Variants in CAMK4 observed in about 807,000 individuals in gnomAD.
CAMK4 encodes the protein calcium/calmodulin dependent protein kinase IV.
A neutral mutation model predicts 44.9 loss-of-function variants in CAMK4; 22 were observed. That is an observed-to-expected ratio of 0.49 (90% CI 0.35 to 0.70). The LOEUF is 0.70. Ranked by LOEUF, CAMK4 falls within the 30% of genes least tolerant of loss-of-function variation. CAMK4 has a pLI of 0.01. For synonymous variants in CAMK4, 218 were observed against 215.4 expected (o/e 1.01, Z -0.11); for missense variants, 498 against 586.8 (o/e 0.85, Z 1.56).
Position 111,445,874 on chromosome 5 carries a change from A to G in CAMK4, c.460-812A>G, listed in dbSNP as rs541505130. 2.4e-4 allele frequency among the ~76,000 whole-genome samples: 36 copies of G among 152,138 alleles called. 1 individual carries two copies. The South Asian group carries it at 7.3e-3, about 31-fold the overall frequency. ...ATAGACTCGTTTGTAAATGCATAGA[A>G]AAAATGTTCAAACAAACTTTTTGGG... On this transcript the variant is annotated intron_variant, in intron 5 of 10. Coordinates refer to ENST00000282356, the MANE Select transcript of CAMK4 (RefSeq NM_001744.6).
At chr5:111,232,620 T>C (rs1189588635) in intron 1 of CAMK4, among the ~76,000 whole-genome samples, 3 of 152,106 alleles carry the variant, frequency 2.0e-5, no homozygotes, top group Admixed American at 6.6e-5. Context: ...GAAAACCACT[T>C]TGTAGATAAA....
chr5:111,312,823 A>G (rs1358171634), intron 1 of CAMK4, among the ~76,000 whole-genome samples: 5 of 152,144 alleles, frequency 3.3e-5, no homozygotes, highest in East Asian at 1.9e-4. Context: ...CTCATATGGT[A>G]TCTTCTCTGG....
Position 111,484,472 on chromosome 5 carries a change from T to C in CAMK4, c.*6T>C, listed in dbSNP as rs774379336. 7 of 1,489,634 alleles carry C rather than the reference T, an allele frequency of 4.7e-6. No individual in the cohort carries two copies. Among genetic ancestry groups the C allele is most frequent in the Non-Finnish European group, 5.4e-6 (6 of 1,117,490 alleles). 92.3% of individuals were successfully genotyped at this position (1,489,634 alleles called of 1,614,324 possible). A position where few individuals can be genotyped will look rare whatever the true frequency, so the allele number is the denominator to read the frequency against. On this transcript the variant is annotated 3_prime_UTR_variant, in exon 11 of 11. Coordinates refer to ENST00000282356, the MANE Select transcript of CAMK4 (RefSeq NM_001744.6). This position sits in a 1 kb window ranked among gnomAD's most constrained non-coding sequence, Gnocchi z 5.3. ...TGATCCTGCCAGAGTACTAAACAGC[T>C]TCCTTCAGATCTGGAAGCCAAACAC...
chr5:111,279,171 A>C (rs996688913), intron 1 of CAMK4, among the ~76,000 whole-genome samples: 4 of 152,208 alleles, frequency 2.6e-5, no homozygotes, highest in Admixed American at 2.6e-4. Context: ...ATTTGGTCGT[A>C]GGCTTGAACT....
chr5:111,321,277 T>C (rs1365332427), intron 1 of CAMK4, among the ~76,000 whole-genome samples: 1 of 152,084 alleles, frequency 6.6e-6, no homozygotes, highest in East Asian at 1.9e-4. Flanking sequence ...AAGGAGTTAG[T>C]GTTGCTGTAT....
intron 5 of CAMK4, among the ~76,000 whole-genome samples, chr5:111,401,737 T>C (rs1455473982): frequency 6.6e-6 from 1 of 152,166 alleles, no homozygotes; most frequent in African/African-American, 2.4e-5. Context: ...AGCTAAGTTA[T>C]TGTGTGTGGA....
At chr5:111,456,069 C>A (rs1040920826) in intron 7 of CAMK4, among the ~76,000 whole-genome samples, 1 of 152,070 alleles carries the variant, frequency 6.6e-6, no homozygotes, top group East Asian at 1.9e-4. Flanking sequence ...TGTATCAATT[C>A]CTTTTATTAT....
chr5:111,340,747 A>G (rs1247359563), intron 1 of CAMK4, among the ~76,000 whole-genome samples: 1 of 150,744 alleles, frequency 6.6e-6, no homozygotes, highest in African/African-American at 2.4e-5. Flanking sequence ...CCTCCTCTTC[A>G]GTTTTTGAAA....
intron 4 of CAMK4, among the ~76,000 whole-genome samples, chr5:111,391,532 A>G (rs1751799561): frequency 6.6e-6 from 1 of 152,112 alleles, no homozygotes; most frequent in Admixed American, 6.6e-5. Flanking sequence ...ATAAAAAAAA[A>G]ACATGAAAAT....
chr5:111,230,507 A>G (rs1748417092), intron 1 of CAMK4, among the ~76,000 whole-genome samples: 2 of 152,106 alleles, frequency 1.3e-5, no homozygotes, highest in African/African-American at 2.4e-5. Context: ...TTAAGAGCAC[A>G]CTACTTTTCC....
At chr5:111,320,137 C>T (rs1748598650) in intron 1 of CAMK4, among the ~76,000 whole-genome samples, 2 of 152,124 alleles carry the variant, frequency 1.3e-5, no homozygotes, top group Admixed American at 6.6e-5. Context: ...GAAGCATGCT[C>T]AACTCAGTGA....
intron 1 of CAMK4, among the ~76,000 whole-genome samples, chr5:111,301,208 C>T (rs545096528): frequency 6.6e-6 from 1 of 151,920 alleles, no homozygotes; most frequent in Non-Finnish European, 1.5e-5. Context: ...AACATCTCTT[C>T]CTAGCATAAT....
intron 1 of CAMK4, among the ~76,000 whole-genome samples, chr5:111,293,683 C>G (rs1314187222): frequency 6.6e-6 from 1 of 151,538 alleles, no homozygotes; most frequent in Non-Finnish European, 1.5e-5. Context: ...CCTCAGCCTC[C>G]CAAAGTGCTG....
intron 1 of CAMK4, among the ~76,000 whole-genome samples, chr5:111,319,244 A>T (rs978622440): frequency 1.3e-5 from 2 of 152,160 alleles, no homozygotes; most frequent in African/African-American, 2.4e-5. Context: ...TTAATTTATC[A>T]ATTGAAAAAG....
At chr5:111,401,532 A>T (rs1192742383) in intron 5 of CAMK4, among the ~76,000 whole-genome samples, 1 of 151,616 alleles carries the variant, frequency 6.6e-6, no homozygotes, top group African/African-American at 2.4e-5. Flanking sequence ...CTGAGCATCA[A>T]AAAAAATAGA....
intron 5 of CAMK4, among the ~76,000 whole-genome samples, chr5:111,432,379 A>T (rs764973953): frequency 6.6e-6 from 1 of 151,888 alleles, no homozygotes; most frequent in Non-Finnish European, 1.5e-5. Context: ...GGGTTCGGGG[A>T]AGGTAGGGAT....
intron 1 of CAMK4, among the ~76,000 whole-genome samples, chr5:111,233,686 G>T (rs1748580035): frequency 6.6e-6 from 1 of 152,054 alleles, no homozygotes; most frequent in African/African-American, 2.4e-5. Context: ...TAGTAAAGTT[G>T]AATTAATTTT....
chr5:111,378,734 T>C (rs2112830944), intron 4 of CAMK4, among the ~76,000 whole-genome samples: 1 of 152,300 alleles, frequency 6.6e-6, no homozygotes, highest in East Asian at 1.9e-4. Flanking sequence ...AGTTGTTTTT[T>C]TGAAAGACTC....
At chr5:111,483,696 C>CTA in intron 10 of CAMK4, among the ~76,000 whole-genome samples, 1 of 152,168 alleles carries the variant, frequency 6.6e-6, no homozygotes, top group Non-Finnish European at 1.5e-5. Context: ...AAACTACTAA[C>CTA]GTCCACAGAA....
Sources: gnomAD v4.1 joint callset for allele counts (sites outside exome capture counted in the v4.1 genomes callset) on GRCh38, gnomAD v4.1.1 for gene constraint, Gnocchi (gnomAD v3.1) non-coding constraint, MANE v1.5 for transcripts, NCBI Gene and HGNC (gene_info 2026-07-23, HGNC 2026-07-21) for gene names.